The following SLC23A2 variants were observed in gnomAD, a reference collection of about 807,000 sequenced individuals.
SLC23A2 encodes the protein Na(+)/L-ascorbic acid transporter 2.
Under a neutral mutation model 73.3 loss-of-function variants are expected in SLC23A2, and 36 were observed. The observed-to-expected ratio is 0.49, with a 90% CI of 0.38 to 0.65. The LOEUF is 0.65. Among genes scored for constraint, SLC23A2 ranks in the 30% least tolerant of loss-of-function variants. The pLI, the probability that SLC23A2 is intolerant of heterozygous loss-of-function variation, is 0.00. For synonymous variants in SLC23A2, 343 were observed against 327.3 expected, an observed-to-expected ratio of 1.05 and a Z score of -0.52; for missense variants, 507 against 841.6, an observed-to-expected ratio of 0.60 and a Z score of 4.92.
intron 1 of SLC23A2, among the ~76,000 whole-genome samples, chr20:4,983,312 C>G (rs1324677766): frequency 6.6e-6 from 1 of 152,082 alleles, no homozygotes; most frequent in African/African-American, 2.4e-5. Context: ...AAAACAGACA[C>G]ATAGAGACTT....
intron 1 of SLC23A2, among the ~76,000 whole-genome samples, chr20:4,996,576 C>G (rs1225002453): frequency 6.7e-6 from 1 of 149,376 alleles, no homozygotes; most frequent in Non-Finnish European, 1.5e-5. Context: ...ATCCCAGCTA[C>G]TTGGGAGGCT....
At chr20:4,964,447 T>C (rs928199254) in intron 2 of SLC23A2, among the ~76,000 whole-genome samples, 2 of 152,182 alleles carry the variant, frequency 1.3e-5, no homozygotes, top group Non-Finnish European at 2.9e-5. Context: ...TTCATTAAAA[T>C]AATGCTTAAG....
chr20:4,923,828 C>G (rs912569969), intron 3 of SLC23A2, among the ~76,000 whole-genome samples: 1 of 152,128 alleles, frequency 6.6e-6, no homozygotes, highest in Non-Finnish European at 1.5e-5. Context: ...CACCAAAAAG[C>G]CTTTTTGCCT....
At chr20:4,992,315 G>A (rs924523709) in intron 1 of SLC23A2, among the ~76,000 whole-genome samples, 1 of 152,078 alleles carries the variant, frequency 6.6e-6, no homozygotes, top group Middle Eastern at 3.4e-3. Flanking sequence ...AAGTTAATAA[G>A]GATGAATTAA....
At chr20:4,914,028 G>T (rs1024122569) in intron 3 of SLC23A2, among the ~76,000 whole-genome samples, 17 of 151,656 alleles carry the variant, frequency 1.1e-4, no homozygotes, top group African/African-American at 3.6e-4. Flanking sequence ...AAATATTAAG[G>T]TAACTGTATA....
chr20:4,933,354 A>T (rs1482795022), intron 2 of SLC23A2, among the ~76,000 whole-genome samples: 2 of 152,120 alleles, frequency 1.3e-5, no homozygotes, highest in African/African-American at 4.8e-5. Context: ...CTATACTCCC[A>T]GCACTTTGGG....
intron 5 of SLC23A2, among the ~76,000 whole-genome samples, chr20:4,901,345 C>T (rs1010092810): frequency 8.5e-5 from 13 of 152,108 alleles, no homozygotes; most frequent in African/African-American, 2.9e-4. Flanking sequence ...TGGATTTTCT[C>T]GGCACCTGAG....
intron 2 of SLC23A2, among the ~76,000 whole-genome samples, chr20:4,951,836 G>A (rs6116589): frequency 0.025 from 3,877 of 152,104 alleles, 151 homozygotes; most frequent in African/African-American, 0.085. Context: ...GGGTGTGGTG[G>A]CTCACACCTG....
intron 2 of SLC23A2, among the ~76,000 whole-genome samples, chr20:4,944,571 C>T (rs2087089024): frequency 6.6e-6 from 1 of 152,186 alleles, no homozygotes; most frequent in Non-Finnish European, 1.5e-5. Flanking sequence ...CACAAATATT[C>T]TCATGCTAGA....
upstream of SLC23A2, among the ~76,000 whole-genome samples, chr20:5,005,000 AAAAT>A (rs11474342): frequency 0.016 from 2,295 of 143,386 alleles, 25 homozygotes; most frequent in Middle Eastern, 0.043. Flanking sequence ...CTCCGTCTCA[AAAAT>A]AAATAAATAA....
chr20:4,971,400 T>C (rs554011964), intron 1 of SLC23A2, among the ~76,000 whole-genome samples: 1 of 151,658 alleles, frequency 6.6e-6, no homozygotes, highest in African/African-American at 2.4e-5. Flanking sequence ...AGGTGGAGAA[T>C]CACCTGAGCC....
chr20:4,953,282 G>C (rs2087232216), intron 2 of SLC23A2, among the ~76,000 whole-genome samples: 1 of 151,662 alleles, frequency 6.6e-6, no homozygotes, highest in Admixed American at 6.6e-5. Flanking sequence ...CTCCAGCCTG[G>C]CAACACAGCA....
chr20:4,867,965 A>G, intron 12 of SLC23A2, 90 bp from the exon 13 acceptor site: 2 of 755,656 alleles, frequency 2.6e-6, no homozygotes, highest in Non-Finnish European at 4.5e-6. Flanking sequence ...CAATCCAAAA[A>G]TGTGGTCCAG....
At chr20:4,988,702 C>G (rs2087872161) in intron 1 of SLC23A2, among the ~76,000 whole-genome samples, 1 of 148,410 alleles carries the variant, frequency 6.7e-6, no homozygotes, top group Non-Finnish European at 1.5e-5. Context: ...CGCCCCTGCA[C>G]TCCAGCCTAG....
In SLC23A2 at chr20:4,859,280, A is replaced by G. The variant is rs1929865938; in HGVS notation, c.1720+9T>C. The G allele has an allele frequency of 6.5e-7, 1 of 1,542,762 alleles. No individual in the cohort carries two copies. The highest frequency in any genetic ancestry group is 9.0e-7 in the Non-Finnish European group (1 of 1,116,544). The stretch of plus-strand genomic sequence containing the variant: ...AAAAAAAAAAGTGTGTTTGATATAT[A>G]CCACGTACCTGGGATGGTGTTATCC... On this transcript the variant is annotated intron_variant, in intron 16 of 16. Transcript: ENST00000338244.
intron 1 of SLC23A2, among the ~76,000 whole-genome samples, chr20:4,992,503 G>GTTT (rs140932210): frequency 1.0e-5 from 1 of 95,746 alleles, no homozygotes; most frequent in Non-Finnish European, 2.0e-5. Context: ...AAGATTGACA[G>GTTT]TTTTTTTTTT....
chr20:4,895,403 T>C (rs965830726), intron 6 of SLC23A2, among the ~76,000 whole-genome samples: 3 of 152,134 alleles, frequency 2.0e-5, no homozygotes, highest in African/African-American at 7.2e-5. Flanking sequence ...CTAAAAGAAA[T>C]GATAATTCAC....
At position 4,983,765 on chromosome 20, in the gene SLC23A2, T is replaced by C. The variant is rs375184449; in HGVS notation, c.-281-12846A>G. Among the ~76,000 whole-genome samples, 5 of 151,560 alleles carry C rather than the reference T, an allele frequency of 3.3e-5. No homozygotes were observed. In the East Asian group the frequency reaches 5.8e-4, roughly 18 times the overall value. On this transcript the variant is annotated intron_variant, in intron 1 of 16. Transcript: ENST00000338244. ...TGAGGTCGGGAGTTCGAGACCAGCC[T>C]GACCAACATGGAGAAACCCCATCTC...
At chr20:4,973,560 G>A (rs904456654) in intron 1 of SLC23A2, among the ~76,000 whole-genome samples, 15 of 152,190 alleles carry the variant, frequency 9.9e-5, no homozygotes, top group African/African-American at 3.4e-4. Context: ...TTTGAGAAAG[G>A]AATCTCTGAG....
Sources: allele counts gnomAD v4.1 joint callset (sites outside exome capture counted in the v4.1 genomes callset), GRCh38; gene constraint gnomAD v4.1.1; transcripts MANE v1.5; gene names NCBI Gene and HGNC (gene_info 2026-07-23, HGNC 2026-07-21).